Variants in ARHGAP42 observed in about 807,000 individuals in gnomAD.
ARHGAP42 encodes the protein Rho GTPase activating protein 42, also known as rho GTPase-activating protein 42.
A neutral mutation model predicts 125.0 loss-of-function variants in ARHGAP42; 63 were observed. That is an observed-to-expected ratio of 0.50 (90% confidence interval 0.41 to 0.62). ARHGAP42 has a LOEUF of 0.62. Among genes scored for constraint, ARHGAP42 ranks in the 20% least tolerant of loss-of-function variants. The pLI, the probability that ARHGAP42 is intolerant of heterozygous loss-of-function variation, is 0.00. For missense variants in ARHGAP42, 766 were observed against 1,024.2 expected, an observed-to-expected ratio of 0.75 and a Z score of 3.44; for synonymous variants, 339 against 351.0, an observed-to-expected ratio of 0.97 and a Z score of 0.38.
At chr11:100,977,351 C>G (rs1399334719) in intron 21 of ARHGAP42, among the ~76,000 whole-genome samples, 1 of 152,208 alleles carries the variant, frequency 6.6e-6, no homozygotes, top group Non-Finnish European at 1.5e-5. Flanking sequence ...AGCCAGGTCC[C>G]TGCTCTCCTC....
chr11:100,879,917 T>C (rs1025172701), intron 4 of ARHGAP42, among the ~76,000 whole-genome samples: 6 of 152,198 alleles, frequency 3.9e-5, no homozygotes, highest in African/African-American at 1.4e-4. Context: ...TCCTGGATTC[T>C]TTGTGGGTTT....
At chr11:100,944,509 C>T (rs1477537368) in intron 10 of ARHGAP42, among the ~76,000 whole-genome samples, 1 of 152,006 alleles carries the variant, frequency 6.6e-6, no homozygotes, top group African/African-American at 2.4e-5. Flanking sequence ...TGTGTGTATC[C>T]ATGTATACCC....
intron 1 of ARHGAP42, among the ~76,000 whole-genome samples, chr11:100,699,506 ATTTTTTTTTTTT>A (rs869243290): frequency 8.2e-4 from 26 of 31,732 alleles, no homozygotes; most frequent in Admixed American, 1.4e-3. Context: ...ATATATATAT[ATTTTTTTTTTTT>A]TTTTTTTTTT....
chr11:100,817,026 T>C (rs927077148), intron 3 of ARHGAP42, among the ~76,000 whole-genome samples: 1 of 152,180 alleles, frequency 6.6e-6, no homozygotes, highest in Non-Finnish European at 1.5e-5. Flanking sequence ...AGGAAGCCTG[T>C]CTCACCAGAA....
At chr11:100,769,194 G>T (rs889134949) in intron 1 of ARHGAP42, among the ~76,000 whole-genome samples, 2 of 152,160 alleles carry the variant, frequency 1.3e-5, no homozygotes, top group Non-Finnish European at 2.9e-5. Context: ...GGCAGCTACA[G>T]TATAGTCTAA....
intron 1 of ARHGAP42, among the ~76,000 whole-genome samples, chr11:100,758,357 A>G (rs1862623419): frequency 6.6e-6 from 1 of 152,324 alleles, no homozygotes; most frequent in Non-Finnish European, 1.5e-5. Flanking sequence ...GTAGTAATAA[A>G]CCTAGTCTTT....
chr11:100,842,154 A>G (rs1461038548), intron 3 of ARHGAP42, among the ~76,000 whole-genome samples: 1 of 152,188 alleles, frequency 6.6e-6, no homozygotes, highest in Admixed American at 6.5e-5. Context: ...CCGAAAGGTT[A>G]TGACAAAAAA....
chr11:100,727,474 CTGGT>C (rs1234900310), intron 1 of ARHGAP42, among the ~76,000 whole-genome samples: 1 of 152,162 alleles, frequency 6.6e-6, no homozygotes, highest in African/African-American at 2.4e-5. Context: ...TGGATAAGGG[CTGGT>C]CACCGGAAAG....
chr11:100,975,949 C>T, intron 19 of ARHGAP42, 108 bp from the exon 20 acceptor site: 1 of 1,260,696 alleles, frequency 7.9e-7, no homozygotes, highest in African/African-American at 1.5e-5. Flanking sequence ...TTAATGGGGT[C>T]AGGTGGCCGC....
At chr11:100,853,579 G>A (rs1865255361) in intron 3 of ARHGAP42, among the ~76,000 whole-genome samples, 1 of 152,044 alleles carries the variant, frequency 6.6e-6, no homozygotes, top group Admixed American at 6.6e-5. Flanking sequence ...GAGTTATGAT[G>A]TTAATTACAT....
chr11:100,777,027 AAAG>A (rs1565209497), intron 2 of ARHGAP42, among the ~76,000 whole-genome samples: 1 of 152,128 alleles, frequency 6.6e-6, no homozygotes, highest in Non-Finnish European at 1.5e-5. Flanking sequence ...GCATTTTAAA[AAAG>A]AAGCTGTTTT....
intron 2 of ARHGAP42, among the ~76,000 whole-genome samples, chr11:100,793,736 C>T (rs888614759): frequency 9.9e-5 from 15 of 151,810 alleles, no homozygotes; most frequent in Non-Finnish European, 2.1e-4. Flanking sequence ...AGGATGTTTC[C>T]GGTATTAAGA....
intron 1 of ARHGAP42, among the ~76,000 whole-genome samples, chr11:100,695,661 C>A (rs1447668624): frequency 6.6e-6 from 1 of 152,114 alleles, no homozygotes; most frequent in East Asian, 1.9e-4. Flanking sequence ...TTCTTTTTAT[C>A]TGCAGTATTC....
chr11:100,764,926 A>G (rs909801886), intron 1 of ARHGAP42, among the ~76,000 whole-genome samples: 4 of 152,202 alleles, frequency 2.6e-5, no homozygotes, highest in African/African-American at 9.6e-5. Flanking sequence ...CATAATGGGC[A>G]GTTAAAGGCA....
intron 1 of ARHGAP42, among the ~76,000 whole-genome samples, chr11:100,767,992 A>C (rs1197869902): frequency 5.3e-5 from 8 of 152,070 alleles, no homozygotes; most frequent in Non-Finnish European, 1.2e-4. Flanking sequence ...ACAAAATGTG[A>C]CCTTCGTGTT....
At chr11:100,807,178 G>T (rs988248512) in intron 3 of ARHGAP42, among the ~76,000 whole-genome samples, 1 of 148,158 alleles carries the variant, frequency 6.7e-6, no homozygotes, top group Non-Finnish European at 1.5e-5. Context: ...TGTGCAAAGA[G>T]CTTTTATATA....
chr11:100,765,886 A>G (rs750119709), intron 1 of ARHGAP42, among the ~76,000 whole-genome samples: 4 of 152,226 alleles, frequency 2.6e-5, no homozygotes, highest in Non-Finnish European at 4.4e-5. Context: ...TTGTTCTGAC[A>G]TAAATATATA....
intron 4 of ARHGAP42, among the ~76,000 whole-genome samples, chr11:100,901,015 A>G (rs1252740293): frequency 6.7e-6 from 1 of 149,750 alleles, no homozygotes; most frequent in African/African-American, 2.5e-5. Context: ...ATTTTTCCCC[A>G]TCTCTGTGGT....
At chr11:100,876,520 G>C (rs1865828115) in intron 4 of ARHGAP42, among the ~76,000 whole-genome samples, 2 of 152,170 alleles carry the variant, frequency 1.3e-5, no homozygotes, top group Non-Finnish European at 2.9e-5. Flanking sequence ...TAAGAATGTG[G>C]TGAATCTCAT....
Sources: gnomAD v4.1 joint callset for allele counts (sites outside exome capture counted in the v4.1 genomes callset) on GRCh38, gnomAD v4.1.1 for gene constraint, MANE v1.5 for transcripts, NCBI Gene and HGNC (gene_info 2026-07-23, HGNC 2026-07-21) for gene names.